Variants in UBE2H observed in about 807,000 individuals in gnomAD.
UBE2H encodes the protein ubiquitin conjugating enzyme E2 H.
In UBE2H, 3 loss-of-function variants were observed where a neutral mutation model predicts 29.0. That is an observed-to-expected ratio of 0.10 (90% CI 0.05 to 0.27). The LOEUF is 0.27. Ranked by LOEUF, UBE2H falls within the 10% of genes least tolerant of loss-of-function variation. The pLI is 1.00. For missense variants in UBE2H, 68 were observed against 228.2 expected (o/e 0.30, Z 4.52); for synonymous variants, 69 against 82.9 (o/e 0.83, Z 0.91).
At chr7:129,870,834 T>C (rs192208717) in intron 3 of UBE2H, among the ~76,000 whole-genome samples, 162 of 151,824 alleles carry the variant, frequency 1.1e-3, no homozygotes, top group African/African-American at 3.6e-3. Context: ...GTCTGTGAAC[T>C]CAACCCTGCC....
chr7:129,839,512 CATTTTA>C lies in UBE2H; in HGVS notation c.299-183_299-178del, dbSNP rs140073311. On this transcript the variant is annotated intron_variant, in intron 5 of 6. Coordinates refer to ENST00000355621, the MANE Select transcript of UBE2H (RefSeq NM_003344.4). The stretch of plus-strand genomic sequence containing the variant: ...ACATTCATTTCAATACCAATTTAAA[CATTTTA>C]ATTTTAATTTGAAGAACGAGATAAA... 1.7e-3 allele frequency: 1,197 copies of C among 720,192 alleles called. 14 individuals are homozygous for C. In the African/African-American group the frequency reaches 0.021, roughly 12 times the overall value. 44.6% of individuals were successfully genotyped at this position (720,192 alleles called of 1,614,324 possible). A position where few individuals can be genotyped will look rare whatever the true frequency, so the allele number is the denominator to read the frequency against.
chr7:129,930,202 C>A (rs1454243871), intron 1 of UBE2H, among the ~76,000 whole-genome samples: 2 of 152,074 alleles, frequency 1.3e-5, no homozygotes, highest in Non-Finnish European at 2.9e-5. Context: ...GCTCTTGTTG[C>A]CCACGCTGCA....
chr7:129,901,382 T>C (rs1259738678), intron 1 of UBE2H, among the ~76,000 whole-genome samples: 1 of 152,154 alleles, frequency 6.6e-6, no homozygotes, highest in African/African-American at 2.4e-5. Flanking sequence ...AGGCTTGTTC[T>C]GATGAGGAAG....
intron 1 of UBE2H, among the ~76,000 whole-genome samples, chr7:129,895,365 G>A (rs964700420): frequency 3.9e-5 from 6 of 152,156 alleles, no homozygotes; most frequent in Non-Finnish European, 8.8e-5. Context: ...GAAGAACCTT[G>A]TCATTCCAAA....
intron 1 of UBE2H, among the ~76,000 whole-genome samples, chr7:129,899,692 C>A (rs1257874254): frequency 5.9e-5 from 9 of 152,226 alleles, no homozygotes; most frequent in African/African-American, 2.2e-4. Context: ...ACGTGTGAGA[C>A]AGGTTAACTC....
chr7:129,930,909 CAAAAAAAAAAAAAA>C (rs71175050), intron 1 of UBE2H, among the ~76,000 whole-genome samples: 1 of 34,288 alleles, frequency 2.9e-5, no homozygotes, highest in Non-Finnish European at 5.1e-5. Context: ...CCCCGTCTCA[CAAAAAAAAAAAAAA>C]AAAAAAAAAA....
chr7:129,900,880 A>T (rs184645659), intron 1 of UBE2H, among the ~76,000 whole-genome samples: 1,990 of 151,486 alleles, frequency 0.013, 22 homozygotes, highest in Admixed American at 0.033. Context: ...CCTCCTGAGT[A>T]GCTGGGACTA....
chr7:129,932,129 C>CA (rs1554440725), intron 1 of UBE2H, among the ~76,000 whole-genome samples: 3 of 134,378 alleles, frequency 2.2e-5, no homozygotes, highest in Non-Finnish European at 4.9e-5. Flanking sequence ...GCCCACTTTG[C>CA]TTTTTTTTTT....
intron 1 of UBE2H, among the ~76,000 whole-genome samples, chr7:129,925,648 A>G (rs1485573830): frequency 6.6e-6 from 1 of 152,204 alleles, no homozygotes; most frequent in Non-Finnish European, 1.5e-5. Context: ...GCTCAGGATG[A>G]TCAGGGCAAT....
chr7:129,923,530 A>G (rs1807207277), intron 1 of UBE2H, among the ~76,000 whole-genome samples: 1 of 152,170 alleles, frequency 6.6e-6, no homozygotes, highest in South Asian at 2.1e-4. Context: ...CTGATAACCA[A>G]TTTCCTCAAT....
At chr7:129,841,779 T>C (rs777091333) in intron 5 of UBE2H, among the ~76,000 whole-genome samples, 10 of 152,176 alleles carry the variant, frequency 6.6e-5, no homozygotes, top group Non-Finnish European at 1.3e-4. Context: ...AGCCACTTTA[T>C]AGTAAGGTTC....
At chr7:129,919,532 T>C (rs1807114153) in intron 1 of UBE2H, among the ~76,000 whole-genome samples, 1 of 152,216 alleles carries the variant, frequency 6.6e-6, no homozygotes, top group African/African-American at 2.4e-5. Context: ...TTTACAGCTC[T>C]ATGCCTTTGC....
Position 129,907,953 on chromosome 7 carries a change from A to C in UBE2H, c.54-26982T>G, listed in dbSNP as rs530188844. Among the ~76,000 whole-genome samples the C allele has an allele frequency of 3.9e-5, 6 of 152,326 alleles. No homozygotes were observed. In the South Asian group the frequency reaches 1.2e-3, roughly 32 times the overall value. On this transcript the variant is annotated intron_variant, in intron 1 of 6. Transcript: ENST00000355621. ...CACATTTTTTCCCAACTTCAGCAAC[A>C]TAACACTAGTAGCCTGAAACCAGCC... is the stretch of plus-strand genomic sequence containing the variant.
At chr7:129,874,610 T>G (rs1806110028) in intron 3 of UBE2H, among the ~76,000 whole-genome samples, 3 of 152,116 alleles carry the variant, frequency 2.0e-5, no homozygotes, top group Admixed American at 1.3e-4. Flanking sequence ...CACCCGGCCC[T>G]GTATCTTTTA....
Position 129,903,975 on chromosome 7 carries a change from T to G in UBE2H, c.54-23004A>C, listed in dbSNP as rs118018911. Among the ~76,000 whole-genome samples, 512 of 152,338 alleles carry G rather than the reference T, an allele frequency of 3.4e-3. 2 individuals carry two copies. The highest frequency in any genetic ancestry group is 7.2e-3 in the Admixed American group (110 of 15,296). ...AGTATTAACATTCCAGAAAAGAATG[T>G]GCAAAATTAACATTTAGAATCCCAA... On this transcript the variant is annotated intron_variant, in intron 1 of 6. Coordinates refer to ENST00000355621, the MANE Select transcript of UBE2H (RefSeq NM_003344.4).
intron 5 of UBE2H, among the ~76,000 whole-genome samples, chr7:129,847,560 C>A (rs1203778594): frequency 6.6e-6 from 1 of 152,010 alleles, no homozygotes; most frequent in Non-Finnish European, 1.5e-5. Context: ...CAAGCTAGTC[C>A]CAAACTCCAA....
intron 1 of UBE2H, among the ~76,000 whole-genome samples, chr7:129,917,053 A>C (rs939061088): frequency 1.3e-5 from 2 of 151,592 alleles, no homozygotes; most frequent in South Asian, 4.2e-4. Context: ...AAAAAAAAAA[A>C]ACACAGCTGG....
chr7:129,853,467 A>G (rs1054438430), intron 5 of UBE2H, among the ~76,000 whole-genome samples: 5 of 152,248 alleles, frequency 3.3e-5, no homozygotes, highest in Non-Finnish European at 7.3e-5. Flanking sequence ...GTCATCTGCT[A>G]CTTTCTGTTT....
chr7:129,950,261 G>T (rs1807847275), intron 1 of UBE2H, among the ~76,000 whole-genome samples: 1 of 152,116 alleles, frequency 6.6e-6, no homozygotes, highest in African/African-American at 2.4e-5. Context: ...TCCTATCTCA[G>T]ATCTACAATT....
Sources: allele counts gnomAD v4.1 joint callset (sites outside exome capture counted in the v4.1 genomes callset), GRCh38; gene constraint gnomAD v4.1.1; transcripts MANE v1.5; gene names NCBI Gene and HGNC (gene_info 2026-07-23, HGNC 2026-07-21).